The following CRB1 variants were observed in gnomAD, a reference collection of about 807,000 sequenced individuals.
CRB1 encodes protein crumbs homolog 1.
Under a neutral mutation model 120.0 loss-of-function variants are expected in CRB1, and 83 were observed. The observed-to-expected ratio is 0.69, with a 90% CI of 0.58 to 0.83. The LOEUF (loss-of-function observed/expected upper bound fraction) is 0.83, where lower values mean the gene tolerates loss of function less well. Among genes scored for constraint, CRB1 ranks in the 40% least tolerant of loss-of-function variants. CRB1 has a pLI of 0.00. For missense variants in CRB1, 1,699 were observed against 1,687.6 expected, an observed-to-expected ratio of 1.01 and a Z score of -0.12; for synonymous variants, 625 against 612.5, an observed-to-expected ratio of 1.02 and a Z score of -0.30.
At chr1:197,441,887 T>C (rs1665461179) in intron 10 of CRB1, 1 of 435,206 alleles carries the variant, frequency 2.3e-6, no homozygotes, top group Non-Finnish European at 4.2e-6. Flanking sequence ...CATGGCCCAC[T>C]TTTCTCTTGG....
chr1:197,304,808 A>G (rs990574455), intron 1 of CRB1, among the ~76,000 whole-genome samples: 1 of 152,230 alleles, frequency 6.6e-6, no homozygotes, highest in African/African-American at 2.4e-5. Flanking sequence ...CAGTTTTGAC[A>G]AAGGCAGTGC....
rs761492989 is a variant in CRB1 at position 197,435,354 on chromosome 1, C to T, written c.3491C>T (p.Ser1164Phe). ...CEDIYSSYHCSCPLGWSGKHC... is the reference protein window; with the variant it reads ...CEDIYSSYHCFCPLGWSGKHC... ...GACATCTATAGCTCTTATCATTGCTCCTGTCCCTTGGGATGGTCAGGGAAA... is the reference window on the plus strand; with the variant it reads ...GACATCTATAGCTCTTATCATTGCTTCTGTCCCTTGGGATGGTCAGGGAAA... The change falls in exon 9 of 12, where the codon TCC becomes TTC. Residue 1164 changes from serine to phenylalanine, a missense_variant. Coordinates refer to ENST00000367400, the MANE Select transcript of CRB1 (RefSeq NM_201253.3). 6.2e-7 allele frequency: 1 copy of T among 1,613,478 alleles called. No homozygotes were observed. The highest frequency in any genetic ancestry group is 8.5e-7 in the Non-Finnish European group (1 of 1,179,684).
At chr1:197,352,570 AAAT>A (rs1187063016) in intron 4 of CRB1, among the ~76,000 whole-genome samples, 11 of 152,314 alleles carry the variant, frequency 7.2e-5, no homozygotes, top group Non-Finnish European at 1.2e-4. Flanking sequence ...CTTAAGTATG[AAAT>A]AATAATATTC....
chr1:197,250,801 G>A, the CRB1 span, among the ~76,000 whole-genome samples: 1 of 151,984 alleles, frequency 6.6e-6, no homozygotes, highest in Non-Finnish European at 1.5e-5. Flanking sequence ...GGGAGGAGCT[G>A]CACCTCAGTC....
chr1:197,324,964 A>T (rs1222958128), intron 1 of CRB1, among the ~76,000 whole-genome samples: 1 of 152,188 alleles, frequency 6.6e-6, no homozygotes, highest in Non-Finnish European at 1.5e-5. Flanking sequence ...TTCTTATTTT[A>T]ACTGCTCCAT....
intron 5 of CRB1, among the ~76,000 whole-genome samples, chr1:197,372,747 G>A (rs1180403247): frequency 6.6e-6 from 1 of 151,780 alleles, no homozygotes; most frequent in East Asian, 1.9e-4. Flanking sequence ...CTGAAACAAA[G>A]TTGTGGGACC....
the CRB1 span, chr1:197,223,083 C>T: frequency 1.3e-6 from 1 of 794,202 alleles, no homozygotes; most frequent in South Asian, 1.3e-5. Flanking sequence ...CCAGCAAGTC[C>T]CTATAACCTT....
intron 11 of CRB1, among the ~76,000 whole-genome samples, chr1:197,474,006 G>T (rs1462041057): frequency 6.6e-6 from 1 of 152,154 alleles, no homozygotes. Context: ...AACTTTATAT[G>T]AGGCTGGGAA....
At chr1:197,214,761 T>G in the CRB1 span, among the ~76,000 whole-genome samples, 1 of 151,844 alleles carries the variant, frequency 6.6e-6, no homozygotes, top group Non-Finnish European at 1.5e-5. Context: ...AAAGAACAAT[T>G]AATACTAATC....
chr1:197,368,523 AT>A (rs917770795), intron 5 of CRB1, among the ~76,000 whole-genome samples: 3 of 152,306 alleles, frequency 2.0e-5, no homozygotes, highest in Admixed American at 1.3e-4. Flanking sequence ...TTAAAAAATG[AT>A]TTTTGTTGAT....
chr1:197,435,487 T>C lies in CRB1; in HGVS notation c.3624T>C (p.Gly1208=), dbSNP rs760520811. Residue 1208 remains glycine (G), a synonymous_variant, in exon 9 of 12, where the codon GGT becomes GGC. Transcript: ENST00000367400. ...YHCTCEPGYT[G]VNCEVDIDNC... ...GCACATGTGAGCCTGGATACACTGG[T>C]GTGAACTGTGAAGTGGATATAGACA... 1.4e-5 allele frequency: 22 copies of C among 1,606,644 alleles called. No homozygotes were observed. In the Admixed American group the frequency reaches 1.7e-4, roughly 12 times the overall value.
At chr1:197,397,598 A>G (rs962390079) in intron 5 of CRB1, among the ~76,000 whole-genome samples, 1 of 152,212 alleles carries the variant, frequency 6.6e-6, no homozygotes, top group African/African-American at 2.4e-5. Context: ...AAACAGTCTT[A>G]CCTTCTTGCA....
intron 5 of CRB1, among the ~76,000 whole-genome samples, chr1:197,367,003 G>C (rs755138908): frequency 2.0e-5 from 3 of 152,084 alleles, no homozygotes; most frequent in Non-Finnish European, 4.4e-5. Context: ...AATGAGAATG[G>C]GACATTGCCA....
At chr1:197,303,162 A>G (rs1656970442) in intron 1 of CRB1, among the ~76,000 whole-genome samples, 1 of 151,536 alleles carries the variant, frequency 6.6e-6, no homozygotes, top group South Asian at 2.1e-4. Context: ...TTTAAGTTTT[A>G]GGGTACATGT....
intron 5 of CRB1, among the ~76,000 whole-genome samples, chr1:197,373,624 T>C (rs1240717064): frequency 6.6e-6 from 1 of 152,170 alleles, no homozygotes; most frequent in Non-Finnish European, 1.5e-5. Context: ...ACAGCCTTAA[T>C]AAACTGTTTT....
At chr1:197,222,551 C>A in the CRB1 span, 2 of 768,162 alleles carry the variant, frequency 2.6e-6, no homozygotes, top group Non-Finnish European at 4.9e-6. Flanking sequence ...ATTCCATTCG[C>A]TCTTTATTTT....
chr1:197,457,712 A>G (rs1314951122), intron 11 of CRB1, among the ~76,000 whole-genome samples: 1 of 152,196 alleles, frequency 6.6e-6, no homozygotes, highest in Admixed American at 6.6e-5. Context: ...TGCAGAAGAT[A>G]TTTGATCCAG....
the CRB1 span, among the ~76,000 whole-genome samples, chr1:197,260,286 T>A: frequency 0.022 from 3,305 of 152,174 alleles, 119 homozygotes; most frequent in African/African-American, 0.075. Flanking sequence ...TATATACGGG[T>A]TTCATACATG....
intron 1 of CRB1, among the ~76,000 whole-genome samples, chr1:197,269,428 T>A (rs1654784323): frequency 6.6e-6 from 1 of 152,178 alleles, no homozygotes; most frequent in Non-Finnish European, 1.5e-5. Flanking sequence ...ATGCTGTGGG[T>A]AGGTAGCTGA....
Sources: gnomAD v4.1 joint callset for allele counts (sites outside exome capture counted in the v4.1 genomes callset) on GRCh38, gnomAD v4.1.1 for gene constraint, MANE v1.5 for transcripts, NCBI Gene and HGNC (gene_info 2026-07-23, HGNC 2026-07-21) for gene names.